Variants in PDCD6IP observed in about 807,000 individuals in gnomAD.
PDCD6IP encodes the protein programmed cell death 6 interacting protein.
PDCD6IP carries 43 observed loss-of-function variants against 103.7 expected under a neutral mutation model. That is an observed-to-expected ratio of 0.41 (90% CI 0.32 to 0.53). The LOEUF (loss-of-function observed/expected upper bound fraction) is 0.53. Ranked by LOEUF, PDCD6IP falls within the 20% of genes least tolerant of loss-of-function variation. The pLI, the probability that PDCD6IP is intolerant of heterozygous loss-of-function variation, is 0.16. For synonymous variants in PDCD6IP, 354 were observed against 378.7 expected (o/e 0.93, Z 0.76); for missense variants, 871 against 1,036.7 (o/e 0.84, Z 2.20).
In PDCD6IP at chr3:33,828,843, T is replaced by C. The variant is rs529405657; in HGVS notation, c.718-10T>C. The stretch of plus-strand genomic sequence containing the variant: ...TTGGACTCTCCCCTGGTCAGTATTT[T>C]TATTTCCAGGAGGTGTTCCCTGTCT... On this transcript the variant is annotated splice_polypyrimidine_tract_variant and intron_variant, in intron 6 of 17. Coordinates refer to ENST00000307296, the MANE Select transcript of PDCD6IP (RefSeq NM_013374.6). 109 of 1,612,896 alleles carry C rather than the reference T, an allele frequency of 6.8e-5. No individual in the cohort carries two copies. In the South Asian group the frequency reaches 1.2e-3, roughly 17 times the overall value.
At chr3:33,847,085 A>G (rs1488690385) in intron 12 of PDCD6IP, among the ~76,000 whole-genome samples, 1 of 152,222 alleles carries the variant, frequency 6.6e-6, no homozygotes. Context: ...ACGAACCTGA[A>G]GAAGAAACTG....
intron 3 of PDCD6IP, among the ~76,000 whole-genome samples, chr3:33,820,139 C>T (rs757181201): frequency 1.3e-5 from 2 of 152,010 alleles, no homozygotes; most frequent in Admixed American, 6.6e-5. Flanking sequence ...CAAAAATTAG[C>T]CGGGTATGGT....
At position 33,869,365 on chromosome 3, in the gene PDCD6IP, A is replaced by G. The variant is rs1410193017; in HGVS notation, c.*2840A>G. On this transcript the variant is annotated 3_prime_UTR_variant, in exon 18 of 18. Coordinates refer to ENST00000307296, the MANE Select transcript of PDCD6IP (RefSeq NM_013374.6). The stretch of plus-strand genomic sequence containing the variant: ...ATTAGTTGATTCACAGTACAGAACA[A>G]GGTATAAAGGAAAAAACCCTGCTAG... 6.6e-6 allele frequency: 1 copy of G among 152,208 alleles called. No homozygotes were observed. Among genetic ancestry groups the G allele is most frequent in the Non-Finnish European group, 1.5e-5 (1 of 68,040 alleles). The allele number at this position is 152,208 out of a possible 1,614,324, so 9.4% of individuals were successfully genotyped here.
intron 16 of PDCD6IP, among the ~76,000 whole-genome samples, chr3:33,864,873 A>G (rs1025382723): frequency 9.9e-5 from 15 of 152,210 alleles, no homozygotes; most frequent in Non-Finnish European, 2.1e-4. Context: ...ATTATTTTAT[A>G]TACTATTTTT....
rs1559779237 is a variant in PDCD6IP, at chr3:33,821,956, T to A, written c.336T>A (p.Ala112=). Residue 112 remains alanine (A), a splice_region_variant and synonymous_variant, in exon 4 of 18, where the codon GCT becomes GCA. Coordinates refer to ENST00000307296, the MANE Select transcript of PDCD6IP (RefSeq NM_013374.6). Reference sequence around the variant, plus strand: ...TTTTTCCTTCTCAATTTTTTACAGCTCTTGCAAGCTTAGGATATGAAAAGA... The same window carrying A: ...TTTTTCCTTCTCAATTTTTTACAGCACTTGCAAGCTTAGGATATGAAAAGA... ...GSLFGGSVKL[A]LASLGYEKSC... 6.2e-7 allele frequency: 1 copy of A among 1,603,784 alleles called. No individual in the cohort carries two copies. Among genetic ancestry groups the A allele is most frequent in the Non-Finnish European group, 8.5e-7 (1 of 1,177,312 alleles).
chr3:33,805,935 C>G (rs1372073506), intron 1 of PDCD6IP, among the ~76,000 whole-genome samples: 1 of 151,748 alleles, frequency 6.6e-6, no homozygotes, highest in South Asian at 2.1e-4. Flanking sequence ...TTAGTAGAGA[C>G]GGGGTTTCAC....
intron 15 of PDCD6IP, among the ~76,000 whole-genome samples, chr3:33,856,264 T>C (rs1697826827): frequency 6.6e-6 from 1 of 152,162 alleles, no homozygotes; most frequent in Non-Finnish European, 1.5e-5. Flanking sequence ...TAAGGAACAC[T>C]TTGAGCAGAA....
In PDCD6IP at chr3:33,822,077, T is replaced by C; in HGVS notation, c.457T>C (p.Tyr153His). 6.2e-7 allele frequency: 1 copy of C among 1,613,830 alleles called. No individual in the cohort carries two copies. The change falls in exon 4 of 18, where the codon TAC becomes CAC. Residue 153 changes from tyrosine (Y) to histidine (H), a missense_variant. Tyr to His is a moderately conservative substitution (Grantham distance 83, BLOSUM62 2). Transcript: ENST00000307296. Reference protein sequence around the residue: ...DEGLKIAAKHYQFASGAFLHI... With the variant: ...DEGLKIAAKHHQFASGAFLHI... ...AGGATTGAAAATCGCTGCTAAACAT[T>C]ACCAGGTATGCTGAAAAGTAGTTAC...
chr3:33,806,984 T>G (rs1213200650), intron 1 of PDCD6IP, among the ~76,000 whole-genome samples: 2 of 152,204 alleles, frequency 1.3e-5, no homozygotes, highest in Non-Finnish European at 2.9e-5. Flanking sequence ...CCTCCTGTTG[T>G]ACTTTTATTT....
At chr3:33,820,049 C>T (rs1390990214) in intron 3 of PDCD6IP, among the ~76,000 whole-genome samples, 1 of 152,012 alleles carries the variant, frequency 6.6e-6, no homozygotes, top group African/African-American at 2.4e-5. Context: ...TTTGGGAGGC[C>T]GAGGTGGGAG....
Position 33,798,896 on chromosome 3 carries a change from T to A in PDCD6IP, c.168T>A (p.Arg56=). The A allele has an allele frequency of 6.5e-7, 1 of 1,547,018 alleles. No homozygotes were observed. The highest frequency in any genetic ancestry group is 8.7e-7 in the Non-Finnish European group (1 of 1,144,428). ...AGCTGCGCCGCGCCGCAGTCGGTCG[T>A]CCGCTGGACAAGCACGAGGGCGCGC... is the stretch of plus-strand genomic sequence containing the variant. ...LSKLRRAAVG[R]PLDKHEGALE... is the part of the protein sequence containing the mutation. The change falls in exon 1 of 18, where the codon CGT becomes CGA. Residue 56 remains arginine (R), a synonymous_variant. Transcript: ENST00000307296.
chr3:33,868,317 T>C lies in PDCD6IP; in HGVS notation c.*1792T>C, dbSNP rs1698110658. 1 of 152,138 alleles carries C rather than the reference T, an allele frequency of 6.6e-6. No individual in the cohort carries two copies. Among genetic ancestry groups the C allele is most frequent in the South Asian group, 2.1e-4 (1 of 4,822 alleles). 9.4% of individuals were successfully genotyped at this position (152,138 alleles called of 1,614,324 possible). On this transcript the variant is annotated 3_prime_UTR_variant, in exon 18 of 18. Coordinates refer to ENST00000307296, the MANE Select transcript of PDCD6IP (RefSeq NM_013374.6). ...TGCAGAAACAAGGAAAAAAGCAAAA[T>C]TGGCCTGAATATTCTCTTGGGGAAA... is the stretch of plus-strand genomic sequence containing the variant.
chr3:33,843,742 A>G (rs1034032611), intron 10 of PDCD6IP, among the ~76,000 whole-genome samples: 5 of 152,154 alleles, frequency 3.3e-5, no homozygotes, highest in Admixed American at 3.3e-4. Flanking sequence ...TATTGGAATG[A>G]AAGTCTAAAT....
chr3:33,807,958 C>T (rs1696634106), intron 1 of PDCD6IP, among the ~76,000 whole-genome samples: 1 of 152,240 alleles, frequency 6.6e-6, no homozygotes, highest in Admixed American at 6.5e-5. Context: ...AGACCTTTAG[C>T]ACTTGCTGTT....
chr3:33,800,719 G>A (rs936807467), intron 1 of PDCD6IP, among the ~76,000 whole-genome samples: 79 of 152,094 alleles, frequency 5.2e-4, no homozygotes, highest in African/African-American at 1.8e-3. Flanking sequence ...CATTCAGTGA[G>A]GATTTTCCAT....
chr3:33,845,078 A>C (rs959320704), intron 11 of PDCD6IP, among the ~76,000 whole-genome samples: 5 of 152,054 alleles, frequency 3.3e-5, no homozygotes, highest in African/African-American at 1.2e-4. Flanking sequence ...TGACAGAGGA[A>C]TACTTTTAAA....
intron 13 of PDCD6IP, among the ~76,000 whole-genome samples, chr3:33,853,121 C>T (rs1336738688): frequency 6.6e-6 from 1 of 152,104 alleles, no homozygotes; most frequent in Non-Finnish European, 1.5e-5. Context: ...GACGGGGTTT[C>T]ACCATGTTAG....
chr3:33,865,594 A>G (rs191401486), intron 17 of PDCD6IP, among the ~76,000 whole-genome samples, 164 bp downstream of exon 17: 1 of 152,246 alleles, frequency 6.6e-6, no homozygotes, highest in African/African-American at 2.4e-5. Context: ...GGTCACTTAC[A>G]TGAATAGGAT....
chr3:33,854,564 A>G (rs1196853083), intron 14 of PDCD6IP: 1 of 152,300 alleles, frequency 6.6e-6, no homozygotes, highest in Admixed American at 6.5e-5. Flanking sequence ...GTTTTTTCAG[A>G]TGCATAATTC....
Sources: gnomAD v4.1 joint callset for allele counts (sites outside exome capture counted in the v4.1 genomes callset) on GRCh38, gnomAD v4.1.1 for gene constraint, MANE v1.5 for transcripts, NCBI Gene and HGNC (gene_info 2026-07-23, HGNC 2026-07-21) for gene names.